SUSD6: variants seen among roughly 807,000 people sequenced by gnomAD.
SUSD6 encodes the protein sushi domain-containing protein 6.
A neutral mutation model predicts 28.4 loss-of-function variants in SUSD6; 16 were observed. The ratio of observed to expected loss-of-function variants is 0.56; its 90% CI spans 0.38 to 0.86. SUSD6 has a LOEUF of 0.86. SUSD6 is among the 40% of genes least tolerant of loss of function. SUSD6 has a pLI of 0.00. For missense variants in SUSD6, 341 were observed against 384.2 expected (o/e 0.89, Z 0.94); for synonymous variants, 147 against 159.6 (o/e 0.92, Z 0.59).
intron 1 of SUSD6, among the ~76,000 whole-genome samples, chr14:69,653,042 T>G (rs1328168227): frequency 2.0e-5 from 3 of 152,168 alleles, no homozygotes; most frequent in African/African-American, 7.2e-5. Flanking sequence ...CAGCCCCATT[T>G]TACAAATGAG....
At position 69,711,832 on chromosome 14, in the gene SUSD6, C is replaced by CA. The variant is rs1566609862; in HGVS notation, c.*853_*854insA. The CA allele has an allele frequency of 6.6e-6, 1 of 152,174 alleles. No individual in the cohort carries two copies. The highest frequency in any genetic ancestry group is 1.9e-4 in the East Asian group (1 of 5,192). 9.4% of individuals were successfully genotyped at this position (152,174 alleles called of 1,614,324 possible). On this transcript the variant is annotated 3_prime_UTR_variant, in exon 6 of 6. Coordinates refer to ENST00000342745, the MANE Select transcript of SUSD6 (RefSeq NM_014734.4). ...CCAGCATCGGCCTTCCTGGCCTTGT[C>CA]TTTTTTTTGTTTCCCTGGAGTATAA... is the stretch of plus-strand genomic sequence containing the variant.
intron 1 of SUSD6, among the ~76,000 whole-genome samples, chr14:69,622,164 TTTTG>T (rs917631763): frequency 8.5e-5 from 13 of 152,170 alleles, no homozygotes; most frequent in African/African-American, 2.9e-4. Context: ...TTTTTGGCTT[TTTTG>T]TTTGTTTGTT....
At chr14:69,629,654 T>C (rs916573899) in intron 1 of SUSD6, among the ~76,000 whole-genome samples, 1 of 152,236 alleles carries the variant, frequency 6.6e-6, no homozygotes, top group Non-Finnish European at 1.5e-5. Context: ...AAGGCAGCCC[T>C]CTTGTTTCTG....
intron 2 of SUSD6, among the ~76,000 whole-genome samples, chr14:69,677,770 G>T (rs1885935327): frequency 6.6e-6 from 1 of 152,094 alleles, no homozygotes; most frequent in African/African-American, 2.4e-5. Flanking sequence ...ACCTAGGGTG[G>T]TTATAAAGAT....
rs115338677 is a variant in SUSD6 at position 69,681,550 on chromosome 14, C to A, written c.122-21845C>A. Reference sequence around the variant, plus strand: ...GGTTGTGGTGGGCCAGAGAAGGGGACGGCCCCGTAGGGGGATCTGAAGTGG... The same window carrying A: ...GGTTGTGGTGGGCCAGAGAAGGGGAAGGCCCCGTAGGGGGATCTGAAGTGG... On this transcript the variant is annotated intron_variant, in intron 2 of 5. Transcript: ENST00000342745. Among the ~76,000 whole-genome samples the A allele has an allele frequency of 1.7e-3, 256 of 152,254 alleles. 1 individual carries two copies. The highest frequency in any genetic ancestry group is 5.8e-3 in the African/African-American group (240 of 41,542).
intron 2 of SUSD6, among the ~76,000 whole-genome samples, chr14:69,667,965 A>G (rs1885769623): frequency 6.6e-6 from 1 of 152,210 alleles, no homozygotes; most frequent in Non-Finnish European, 1.5e-5. Flanking sequence ...TAGATCCAAC[A>G]CACGCATTGT....
chr14:69,686,845 A>G (rs1480262149), intron 2 of SUSD6, among the ~76,000 whole-genome samples: 1 of 151,096 alleles, frequency 6.6e-6, no homozygotes, highest in Non-Finnish European at 1.5e-5. Context: ...TTGGGTGGGG[A>G]CACAGAGTCA....
intron 1 of SUSD6, among the ~76,000 whole-genome samples, chr14:69,640,019 G>A (rs930248798): frequency 7.7e-6 from 1 of 129,198 alleles, no homozygotes; most frequent in East Asian, 2.5e-4. Flanking sequence ...TATAAAGGTA[G>A]CATGGGTACC....
intron 2 of SUSD6, among the ~76,000 whole-genome samples, chr14:69,701,824 T>G (rs1886316280): frequency 6.6e-6 from 1 of 152,176 alleles, no homozygotes; most frequent in Admixed American, 6.5e-5. Flanking sequence ...CATCTTTTTT[T>G]TAGTGGCATC....
At chr14:69,612,645 G>T (rs1391456486) in intron 1 of SUSD6, among the ~76,000 whole-genome samples, 1 of 152,142 alleles carries the variant, frequency 6.6e-6, no homozygotes, top group Non-Finnish European at 1.5e-5. Context: ...AAAGTCTTGG[G>T]CTGGTTAAAG....
chr14:69,689,299 T>C (rs1241485127), intron 2 of SUSD6, among the ~76,000 whole-genome samples: 1 of 152,214 alleles, frequency 6.6e-6, no homozygotes, highest in Non-Finnish European at 1.5e-5. Flanking sequence ...TCTTTTTATC[T>C]TTCCACCTGC....
chr14:69,655,571 A>C (rs1222084708), intron 1 of SUSD6, among the ~76,000 whole-genome samples: 1 of 151,934 alleles, frequency 6.6e-6, no homozygotes, highest in Non-Finnish European at 1.5e-5. Context: ...CTGAGTTAGG[A>C]GTATCACTTG....
chr14:69,660,001 T>C (rs533064582), intron 2 of SUSD6, among the ~76,000 whole-genome samples: 17 of 152,340 alleles, frequency 1.1e-4, no homozygotes, highest in Non-Finnish European at 1.9e-4. Flanking sequence ...AGAATCATCA[T>C]TGAACTCACC....
At chr14:69,702,071 T>A (rs1408511626) in intron 2 of SUSD6, among the ~76,000 whole-genome samples, 5 of 152,120 alleles carry the variant, frequency 3.3e-5, no homozygotes, top group African/African-American at 1.2e-4. Context: ...AACTGCCTTA[T>A]CTTGGACAGT....
chr14:69,655,206 A>G (rs1330308352), intron 1 of SUSD6, among the ~76,000 whole-genome samples: 2 of 151,950 alleles, frequency 1.3e-5, no homozygotes, highest in Non-Finnish European at 1.5e-5. Context: ...TTTTTCACAT[A>G]CTAATTTTAG....
chr14:69,693,800 G>T (rs1886185633), intron 2 of SUSD6, among the ~76,000 whole-genome samples: 1 of 152,216 alleles, frequency 6.6e-6, no homozygotes, highest in South Asian at 2.1e-4. Context: ...GTCAAACCCA[G>T]ATTCATCTGT....
At chr14:69,694,909 G>C (rs1222677785) in intron 2 of SUSD6, among the ~76,000 whole-genome samples, 1 of 152,034 alleles carries the variant, frequency 6.6e-6, no homozygotes, top group Non-Finnish European at 1.5e-5. Flanking sequence ...GGAAGGCAGT[G>C]GTGGGGGCCC....
At chr14:69,655,485 C>T (rs534865706) in intron 1 of SUSD6, among the ~76,000 whole-genome samples, 28 of 152,156 alleles carry the variant, frequency 1.8e-4, no homozygotes, top group African/African-American at 1.4e-4. Flanking sequence ...AGTTGCTCTC[C>T]GAAGGATTCT....
intron 2 of SUSD6, among the ~76,000 whole-genome samples, chr14:69,685,271 C>T (rs1290212554): frequency 6.6e-6 from 1 of 152,228 alleles, no homozygotes. Flanking sequence ...TGCATAGAGC[C>T]ATGAGGCACA....
Sources: allele counts gnomAD v4.1 joint callset (sites outside exome capture counted in the v4.1 genomes callset), GRCh38; gene constraint gnomAD v4.1.1; transcripts MANE v1.5; gene names NCBI Gene and HGNC (gene_info 2026-07-23, HGNC 2026-07-21).